Variants in GRIP1 observed in about 807,000 individuals in gnomAD.
GRIP1 encodes the protein glutamate receptor-interacting protein 1.
In GRIP1, 45 loss-of-function variants were observed where a neutral mutation model predicts 129.9. The ratio of observed to expected loss-of-function variants is 0.35; its 90% confidence interval spans 0.27 to 0.44. GRIP1 has a LOEUF of 0.44. GRIP1 is among the 20% of genes least tolerant of loss of function. GRIP1 has a pLI of 1.00. For missense variants in GRIP1, 1,196 were observed against 1,396.8 expected (o/e 0.86, Z 2.29); for synonymous variants, 530 against 520.8 (o/e 1.02, Z -0.24).
intron 1 of GRIP1, among the ~76,000 whole-genome samples, chr12:67,068,830 CTCT>C: frequency 7.0e-6 from 1 of 142,852 alleles, no homozygotes; most frequent in African/African-American, 2.6e-5. Flanking sequence ...AGCACCACCC[CTCT>C]CCCGCTGCCC....
intron 23 of GRIP1, among the ~76,000 whole-genome samples, chr12:66,364,970 AAAAATGACTGAGACTT>A: frequency 6.6e-6 from 1 of 152,260 alleles, no homozygotes; most frequent in Admixed American, 6.5e-5. Flanking sequence ...TTGGCAAAGT[AAAAATGACTGAGACTT>A]GTCTCAGTCA....
chr12:66,371,083 A>G (rs1387311052), intron 23 of GRIP1, among the ~76,000 whole-genome samples: 1 of 152,162 alleles, frequency 6.6e-6, no homozygotes, highest in Non-Finnish European at 1.5e-5. Context: ...TGAGATTGGA[A>G]TAATAAACTA....
chr12:66,830,614 T>A (rs12313831), intron 1 of GRIP1, among the ~76,000 whole-genome samples: 24,569 of 152,132 alleles, frequency 0.16, 2,134 homozygotes, highest in East Asian at 0.37. Flanking sequence ...AATGGTGAGA[T>A]AATAAATTTG....
At chr12:66,356,320 C>T (rs1163314806) in intron 23 of GRIP1, among the ~76,000 whole-genome samples, 3 of 152,212 alleles carry the variant, frequency 2.0e-5, no homozygotes, top group East Asian at 1.9e-4. Flanking sequence ...CAGGATCAAA[C>T]TGATGGCAAC....
At chr12:66,803,174 C>T (rs1040806234) in intron 1 of GRIP1, among the ~76,000 whole-genome samples, 19 of 152,098 alleles carry the variant, frequency 1.2e-4, no homozygotes, top group Non-Finnish European at 2.5e-4. Context: ...AAGACCAGAA[C>T]GAATTAGAAT....
intron 1 of GRIP1, among the ~76,000 whole-genome samples, chr12:66,912,881 T>C (rs527401890): frequency 9.3e-4 from 142 of 152,256 alleles, no homozygotes; most frequent in Non-Finnish European, 1.0e-3. Context: ...TCTACTCAGG[T>C]GTGGCTGTTA....
chr12:66,934,141 T>G (rs2041445921), intron 1 of GRIP1, among the ~76,000 whole-genome samples: 1 of 152,190 alleles, frequency 6.6e-6, no homozygotes, highest in East Asian at 1.9e-4. Flanking sequence ...ATGTGATCAC[T>G]TCTTCTTTTT....
chr12:67,048,362 A>G (rs2043287377), intron 1 of GRIP1, among the ~76,000 whole-genome samples: 1 of 152,210 alleles, frequency 6.6e-6, no homozygotes, highest in Non-Finnish European at 1.5e-5. Flanking sequence ...AGTTACAGAT[A>G]TGCACCGTTC....
chr12:66,485,434 AAT>A (rs1431770767), intron 7 of GRIP1, among the ~76,000 whole-genome samples: 2 of 151,128 alleles, frequency 1.3e-5, no homozygotes, highest in Non-Finnish European at 3.0e-5. Flanking sequence ...AAATAATTAA[AAT>A]AGTTTTAAAA....
At chr12:66,638,168 G>A (rs1477432950) in intron 1 of GRIP1, among the ~76,000 whole-genome samples, 1 of 152,194 alleles carries the variant, frequency 6.6e-6, no homozygotes, top group Non-Finnish European at 1.5e-5. Flanking sequence ...CTTGGGGTGA[G>A]AGCGATGGCA....
chr12:66,632,269 A>G (rs1419105007), intron 1 of GRIP1, among the ~76,000 whole-genome samples: 1 of 152,246 alleles, frequency 6.6e-6, no homozygotes, highest in Non-Finnish European at 1.5e-5. Flanking sequence ...GAGAAAAAAT[A>G]AAACCAGAAG....
chr12:66,844,984 T>A (rs991190054), intron 1 of GRIP1, among the ~76,000 whole-genome samples: 21 of 152,310 alleles, frequency 1.4e-4, no homozygotes, highest in African/African-American at 4.6e-4. Context: ...GAGTTAGCGC[T>A]TAATGGACAT....
At chr12:66,816,149 A>T (rs1194309096) in intron 1 of GRIP1, among the ~76,000 whole-genome samples, 1 of 152,068 alleles carries the variant, frequency 6.6e-6, no homozygotes, top group African/African-American at 2.4e-5. Context: ...GTCACACCTT[A>T]CTGAATTGGA....
At chr12:66,570,658 G>A (rs1053209440) in intron 2 of GRIP1, among the ~76,000 whole-genome samples, 3 of 152,074 alleles carry the variant, frequency 2.0e-5, no homozygotes, top group Non-Finnish European at 2.9e-5. Context: ...CGAATTTCTG[G>A]GACCTTAACT....
chr12:66,405,711 G>C (rs1288378510), intron 16 of GRIP1, among the ~76,000 whole-genome samples: 1 of 152,030 alleles, frequency 6.6e-6, no homozygotes, highest in Non-Finnish European at 1.5e-5. Context: ...CAGCCATCCT[G>C]CTTCTAGGAA....
intron 7 of GRIP1, among the ~76,000 whole-genome samples, chr12:66,510,778 C>CCACACA (rs142827232): frequency 5.9e-5 from 9 of 151,804 alleles, no homozygotes; most frequent in East Asian, 1.9e-4. Context: ...CACACATACA[C>CCACACA]CACACACACA....
chr12:66,981,814 T>G (rs1253595311), intron 1 of GRIP1, among the ~76,000 whole-genome samples: 1 of 152,220 alleles, frequency 6.6e-6, no homozygotes, highest in Non-Finnish European at 1.5e-5. Flanking sequence ...ACATGAGTCC[T>G]TCACATTTGC....
rs79814519 is a variant in GRIP1 at position 66,639,393 on chromosome 12, G to T, written c.55+39457C>A. ...TGTGCATTGGGGGAGGGCGTTCCAG[G>T]AAAGAGGGAATGGCATTTGTGAAAG... On this transcript the variant is annotated intron_variant, in intron 1 of 24. Coordinates refer to ENST00000359742, the MANE Select transcript of GRIP1 (RefSeq NM_001366722.1). Among the ~76,000 whole-genome samples, 5 of 152,234 alleles carry T rather than the reference G, an allele frequency of 3.3e-5. No homozygotes were observed. The East Asian group carries it at 9.7e-4, about 30-fold the overall frequency.
intron 1 of GRIP1, among the ~76,000 whole-genome samples, chr12:67,017,933 G>A (rs1192253574): frequency 6.6e-6 from 1 of 152,172 alleles, no homozygotes; most frequent in African/African-American, 2.4e-5. Context: ...GGCTCCGGTT[G>A]CAGAATTCTG....
Sources: gnomAD v4.1 joint callset for allele counts (sites outside exome capture counted in the v4.1 genomes callset) on GRCh38, gnomAD v4.1.1 for gene constraint, MANE v1.5 for transcripts, NCBI Gene and HGNC (gene_info 2026-07-23, HGNC 2026-07-21) for gene names.